PLEKHS1: variants seen among roughly 807,000 people sequenced by gnomAD.
The protein encoded by PLEKHS1 is pleckstrin homology domain containing S1.
In PLEKHS1, 55 loss-of-function variants were observed where a neutral mutation model predicts 51.0. The observed-to-expected ratio is 1.08, with a 90% confidence interval of 0.87 to 1.35. The LOEUF (loss-of-function observed/expected upper bound fraction) is 1.35, where lower values mean the gene tolerates loss of function less well. Among genes scored for constraint, PLEKHS1 ranks in the 40% most tolerant of loss-of-function variants. PLEKHS1 has a pLI of 0.00. For missense variants in PLEKHS1, 398 were observed against 423.0 expected, an observed-to-expected ratio of 0.94 and a Z score of 0.52; for synonymous variants, 153 against 144.8, an observed-to-expected ratio of 1.06 and a Z score of -0.41.
intron 1 of PLEKHS1, among the ~76,000 whole-genome samples, chr10:113,752,762 G>C (rs183512015): frequency 1.3e-5 from 2 of 152,336 alleles, no homozygotes; most frequent in Admixed American, 1.3e-4. Context: ...AGGAGGAATG[G>C]TTGCAGCACA....
Position 113,774,933 on chromosome 10 carries a change from GAATT to G in PLEKHS1, c.888_891del (p.Asp298GlyfsTer22). The G allele has an allele frequency of 6.2e-7, 1 of 1,614,164 alleles. No individual in the cohort carries two copies. The highest frequency in any genetic ancestry group is 8.5e-7 in the Non-Finnish European group (1 of 1,180,040). Reference sequence around the variant, plus strand: ...CTCCACCTGCAAGAACAAGGCTCAGGAATTGATTGGTGTCTTTCCCCTGCCGATG... The same window carrying G: ...CTCCACCTGCAAGAACAAGGCTCAGGGATTGGTGTCTTTCCCCTGCCGATG... On this transcript the variant is annotated frameshift_variant, in exon 10 of 12. Coordinates refer to ENST00000361048, the Ensembl canonical transcript of PLEKHS1. LOFTEE classifies it high-confidence loss of function.
At chr10:113,754,085 G>A (rs1048838163) in intron 1 of PLEKHS1, among the ~76,000 whole-genome samples, 1 of 152,114 alleles carries the variant, frequency 6.6e-6, no homozygotes, top group African/African-American at 2.4e-5. Flanking sequence ...TGGGATTACA[G>A]GCATGAGCCA....
Position 113,769,892 on chromosome 10 carries a change from C to T in PLEKHS1, c.544C>T (p.Gln182Ter), listed in dbSNP as rs578204824. The change falls in exon 7 of 12, where the codon CAA (glutamine) becomes TAA (stop). Residue 182 changes from glutamine to a stop codon, truncating the protein, a stop_gained. Transcript: ENST00000361048. LOFTEE classifies it high-confidence loss of function. ...CTCCAGCTCACCAAGAAATGGTCTC[C>T]AAGACAAGGTAATGGGGCTCACTTC... The T allele has an allele frequency of 3.7e-6, 6 of 1,611,400 alleles. No homozygotes were observed. The Admixed American group carries it at 6.7e-5, about 18-fold the overall frequency.
intron 9 of PLEKHS1, 63 bp from the exon 10 acceptor site, chr10:113,774,763 C>A: frequency 6.8e-7 from 1 of 1,462,988 alleles, no homozygotes; most frequent in Non-Finnish European, 9.5e-7. Flanking sequence ...ATCTGACACA[C>A]ACAGGGGAAC....
chr10:113,778,011 C>A (rs1352640199), intron 11 of PLEKHS1: 2 of 303,566 alleles, frequency 6.6e-6, no homozygotes, highest in Non-Finnish European at 1.3e-5. Context: ...AACAACAGAC[C>A]ACCCCTAATA....
intron 3 of PLEKHS1, 22 bp from the exon 4 acceptor site, chr10:113,766,590 A>G (rs778898814): frequency 6.3e-7 from 1 of 1,593,836 alleles, no homozygotes; most frequent in Non-Finnish European, 8.5e-7. Flanking sequence ...TAACTAAGAC[A>G]TAAAATCTTT....
Position 113,774,260 on chromosome 10 carries a change from G to T in PLEKHS1, c.706G>T (p.Glu236Ter). ...TATCATTGCTTCCAGTGATTCTGGT[G>T]AATCCATTGAAACTGATGGTCCAGA... Residue 236 changes from glutamate to a stop codon, truncating the protein, a stop_gained, in exon 9 of 12, where the codon GAA becomes TAA. Transcript: ENST00000361048. LOFTEE classifies it high-confidence loss of function. 2 of 1,601,662 alleles carry T rather than the reference G, an allele frequency of 1.2e-6. No individual in the cohort carries two copies. The highest frequency in any genetic ancestry group is 1.7e-6 in the Non-Finnish European group (2 of 1,176,418).
At chr10:113,770,003 C>T in intron 7 of PLEKHS1, 103 bp downstream of exon 7, 1 of 833,248 alleles carries the variant, frequency 1.2e-6, no homozygotes, top group Admixed American at 1.8e-5. Context: ...CCACCTTCCT[C>T]AAAGCCCGAT....
chr10:113,760,029 AGT>A (rs1843849493), intron 2 of PLEKHS1, among the ~76,000 whole-genome samples: 1 of 101,506 alleles, frequency 9.9e-6, no homozygotes, highest in South Asian at 3.9e-4. Flanking sequence ...TCTTCCATGC[AGT>A]CATACTTCCC....
chr10:113,777,618 C>CT (rs1229894306), intron 11 of PLEKHS1: 1 of 1,542,774 alleles, frequency 6.5e-7, no homozygotes, highest in Non-Finnish European at 8.8e-7. Context: ...AATGATGGTG[C>CT]TGGTTGTTGG....
chr10:113,762,712 C>T (rs571318467), intron 2 of PLEKHS1, among the ~76,000 whole-genome samples: 13 of 151,950 alleles, frequency 8.6e-5, no homozygotes, highest in African/African-American at 2.4e-4. Flanking sequence ...TTTATTGAGA[C>T]TTGTTTTATG....
chr10:113,782,902 AC>A (rs1241537880), downstream of PLEKHS1: 1 of 152,206 alleles, frequency 6.6e-6, no homozygotes, highest in Non-Finnish European at 1.5e-5. Context: ...ACACAAAGAT[AC>A]ATGTAAAAAA....
At chr10:113,765,477 C>T (rs1180445799) in intron 2 of PLEKHS1, 6 of 760,998 alleles carry the variant, frequency 7.9e-6, no homozygotes, top group Non-Finnish European at 1.2e-5. Flanking sequence ...ATGTGTTAAT[C>T]GACACTCTTG....
exon 10 of PLEKHS1, chr10:113,775,018 A>G (rs1011463810): frequency 1.2e-6 from 2 of 1,614,024 alleles, no homozygotes; most frequent in Non-Finnish European, 8.5e-7. Context: ...CTGTTGTGCA[A>G]TTGTCTATAT....
intron 6 of PLEKHS1, 85 bp downstream of exon 6, chr10:113,768,975 C>A: frequency 1.0e-6 from 1 of 958,734 alleles, no homozygotes; most frequent in South Asian, 1.8e-5. Context: ...TCCTTTGCCT[C>A]CTTAGTAACT....
intron 2 of PLEKHS1, among the ~76,000 whole-genome samples, chr10:113,757,729 T>C (rs1854191124): frequency 6.6e-6 from 1 of 152,242 alleles, no homozygotes; most frequent in African/African-American, 2.4e-5. Flanking sequence ...CAAGTGGTGC[T>C]GTTTGATAAC....
At chr10:113,769,789 A>G (rs745356783) in exon 7 of PLEKHS1, 2 of 1,606,462 alleles carry the variant, frequency 1.2e-6, no homozygotes, top group Non-Finnish European at 1.7e-6. Flanking sequence ...AGCAGGAGGA[A>G]CTCTCATTGG....
In PLEKHS1 at chr10:113,761,498, A is replaced by G. The variant is rs117770330; in HGVS notation, c.29-4913A>G. Among the ~76,000 whole-genome samples, 22 of 150,916 alleles carry G rather than the reference A, an allele frequency of 1.5e-4. No homozygotes were observed. The East Asian group carries it at 4.3e-3, about 30-fold the overall frequency. ...AGTGTACCAGTCTTTTTATCTGCCT[A>G]GTTAAATTTAACCCTAGGTACTTTT... On this transcript the variant is annotated intron_variant, in intron 2 of 11. Transcript: ENST00000361048.
chr10:113,774,178 T>G, intron 8 of PLEKHS1, 49 bp from the exon 9 acceptor site: 1 of 1,159,324 alleles, frequency 8.6e-7, no homozygotes, highest in Non-Finnish European at 1.3e-6. Context: ...AGAAGGTACC[T>G]GACTTATCGG....
Sources: gnomAD v4.1 joint callset for allele counts (sites outside exome capture counted in the v4.1 genomes callset) on GRCh38, gnomAD v4.1.1 for gene constraint, MANE v1.5 for transcripts, NCBI Gene and HGNC (gene_info 2026-07-23, HGNC 2026-07-21) for gene names.